MDH2: variants seen among roughly 807,000 people sequenced by gnomAD.
The protein encoded by MDH2 is malate dehydrogenase, mitochondrial.
Under a neutral mutation model 33.6 loss-of-function variants are expected in MDH2, and 25 were observed. The observed-to-expected ratio is 0.74, with a 90% CI of 0.54 to 1.04. The LOEUF is 1.04. Ranked by LOEUF, MDH2 falls within the 50% of genes least tolerant of loss-of-function variation. The probability of loss-of-function intolerance (pLI) is 0.00; values close to 1 mark genes in which losing one functional copy is unlikely to be tolerated. For missense variants in MDH2, 432 were observed against 445.0 expected (o/e 0.97, Z 0.26); for synonymous variants, 193 against 188.7 (o/e 1.02, Z -0.19).
At chr7:76,065,137 G>T (rs1798062023) in intron 8 of MDH2, 184 bp downstream of exon 8, 4 of 637,192 alleles carry the variant, frequency 6.3e-6, no homozygotes, top group African/African-American at 1.8e-5. Flanking sequence ...AGACTGTGAA[G>T]GGTGAACCTC....
intron 7 of MDH2, 105 bp downstream of exon 7, chr7:76,064,543 G>C: frequency 9.2e-7 from 1 of 1,092,584 alleles, no homozygotes; most frequent in East Asian, 2.6e-5. Flanking sequence ...ATCCTTTTCA[G>C]TGTTGATTTG....
Position 76,057,399 on chromosome 7 carries a change from G to C in MDH2, c.236-11G>C, listed in dbSNP as rs1279610918. 1 of 1,613,942 alleles carries C rather than the reference G, an allele frequency of 6.2e-7. No homozygotes were observed. Among genetic ancestry groups the C allele is most frequent in the Non-Finnish European group, 8.5e-7 (1 of 1,179,992 alleles). The stretch of plus-strand genomic sequence containing the variant: ...AACGGTGACATTTCTCTTGTGGGGT[G>C]TTTGTTCTAGGCTACCTCGGACCTG... On this transcript the variant is annotated splice_polypyrimidine_tract_variant and intron_variant, in intron 2 of 8. Transcript: ENST00000315758.
rs1164969480 is a variant in MDH2, at chr7:76,064,862, C to T, written c.794C>T (p.Ala265Val). ...CGCTTTGTCTTCTCCCTTGTGGATG[C>T]AATGAATGGAAAGGAAGGTGTTGTG... ...GARFVFSLVD[A>V]MNGKEGVVEC... The change falls in exon 8 of 9, where the codon GCA becomes GTA. Residue 265 changes from alanine to valine, a missense_variant. Transcript: ENST00000315758. The T allele has an allele frequency of 6.2e-7, 1 of 1,614,164 alleles. No individual in the cohort carries two copies. Among genetic ancestry groups the T allele is most frequent in the Non-Finnish European group, 8.5e-7 (1 of 1,180,034 alleles).
At chr7:76,059,281 C>T (rs1554586681) in intron 4 of MDH2, among the ~76,000 whole-genome samples, 1 of 152,218 alleles carries the variant, frequency 6.6e-6, no homozygotes, top group Non-Finnish European at 1.5e-5. Flanking sequence ...CTGAAATCTT[C>T]CGTGTAATAA....
At chr7:76,056,335 A>G (rs1436128009) in intron 2 of MDH2, among the ~76,000 whole-genome samples, 1 of 152,226 alleles carries the variant, frequency 6.6e-6, no homozygotes, top group Non-Finnish European at 1.5e-5. Flanking sequence ...CTTTTACTAT[A>G]AAGTTCCAAA....
intron 3 of MDH2, 64 bp from the exon 4 acceptor site, chr7:76,057,905 A>T: frequency 1.3e-6 from 2 of 1,497,858 alleles, no homozygotes; most frequent in Non-Finnish European, 1.8e-6. Flanking sequence ...GGCGCTCAGC[A>T]CATGCTGCCT....
At chr7:76,056,506 T>G (rs1797790329) in intron 2 of MDH2, among the ~76,000 whole-genome samples, 1 of 152,216 alleles carries the variant, frequency 6.6e-6, no homozygotes, top group Non-Finnish European at 1.5e-5. Flanking sequence ...CTGAATGGGT[T>G]GCCCATTTTC....
At position 76,048,121 on chromosome 7, in the gene MDH2, G is replaced by C. The variant is rs782248264; in HGVS notation, c.-40G>C. 18 of 1,536,464 alleles carry C rather than the reference G, an allele frequency of 1.2e-5. No individual in the cohort carries two copies. In the African/African-American group the frequency reaches 2.5e-4, roughly 21 times the overall value. ...CGTTGGAGTCACTTCCCCGTCACCA[G>C]CTCCTGTGCCTGCCAGTCGGTGCCC... On this transcript the variant is annotated 5_prime_UTR_variant, in exon 1 of 9. Transcript: ENST00000315758.
chr7:76,064,804 T>C lies in MDH2; in HGVS notation c.736T>C (p.Ser246Pro). 1.2e-6 allele frequency: 2 copies of C among 1,613,690 alleles called. No homozygotes were observed. The highest frequency in any genetic ancestry group is 1.7e-6 in the Non-Finnish European group (2 of 1,179,944). ...EVVKAKAGAG[S>P]ATLSMAYAGA... ...CTGACCTGTCTGTGCCCCCCTAGGC[T>C]CTGCCACCCTCTCCATGGCGTATGC... Residue 246 changes from serine to proline, a missense_variant and splice_region_variant, in exon 8 of 9, where the codon TCT (serine) becomes CCT (proline). Physicochemically the swap from Ser to Pro is moderately conservative, Grantham distance 74. Transcript: ENST00000315758.
At chr7:76,051,384 C>T (rs1323868204) in intron 1 of MDH2, among the ~76,000 whole-genome samples, 2 of 145,948 alleles carry the variant, frequency 1.4e-5, no homozygotes, top group Admixed American at 1.4e-4. Flanking sequence ...TGCAATGGTG[C>T]GATCTCAGCT....
At position 76,061,743 on chromosome 7, in the gene MDH2, A is replaced by ATCCCACC. The variant is rs201244181; in HGVS notation, c.555+1256_555+1262dup. Among the ~76,000 whole-genome samples the ATCCCACC allele has an allele frequency of 9.6e-3, 1,461 of 151,946 alleles. 27 individuals are homozygous for ATCCCACC. The highest frequency in any genetic ancestry group is 0.031 in the African/African-American group (1,301 of 41,396). ...TACGGAAGTGGACACAACAGGCAGG[A>ATCCCACC]TCCCACCTCCCACCTCCAGAGGCGC... On this transcript the variant is annotated intron_variant, in intron 5 of 8. Transcript: ENST00000315758.
intron 1 of MDH2, among the ~76,000 whole-genome samples, chr7:76,053,566 G>A (rs548033974): frequency 3.3e-5 from 5 of 152,296 alleles, no homozygotes; most frequent in African/African-American, 4.8e-5. Flanking sequence ...CTGGGTAAGC[G>A]TCTTGATTCG....
At chr7:76,063,868 T>C (rs1232297759) in intron 6 of MDH2, among the ~76,000 whole-genome samples, 12 of 152,110 alleles carry the variant, frequency 7.9e-5, no homozygotes, top group Non-Finnish European at 1.5e-4. Flanking sequence ...GGCGAGGTGC[T>C]TTTTTCAAAA....
rs1026530067 is a variant in MDH2 at position 76,065,726 on chromosome 7, G to C, written c.886-553G>C. Among the ~76,000 whole-genome samples, 6 of 152,346 alleles carry C rather than the reference G, an allele frequency of 3.9e-5. No individual in the cohort carries two copies. The South Asian group carries it at 6.2e-4, about 16-fold the overall frequency. On this transcript the variant is annotated intron_variant, in intron 8 of 8. Coordinates refer to ENST00000315758, the MANE Select transcript of MDH2 (RefSeq NM_005918.4). ...AGTTGAGGTGAGGACTGAGGCTGTT[G>C]CCACACAAACTGTGCTCAGTTTCTG... is the stretch of plus-strand genomic sequence containing the variant.
Position 76,058,000 on chromosome 7 carries a change from TGCCACGATTGTG to T in MDH2, c.357_368del (p.Ile120_Thr123del). Reference sequence around the variant, plus strand: ...CCCGGGACGACCTGTTCAACACCAATGCCACGATTGTGGCCACCCTGACCGCTGCCTGTGCCC... The same window carrying T: ...CCCGGGACGACCTGTTCAACACCAATGCCACCCTGACCGCTGCCTGTGCCC... On this transcript the variant is annotated inframe_deletion, in exon 4 of 9. Coordinates refer to ENST00000315758, the MANE Select transcript of MDH2 (RefSeq NM_005918.4). 6.2e-7 allele frequency: 1 copy of T among 1,614,124 alleles called. No individual in the cohort carries two copies. Among genetic ancestry groups the T allele is most frequent in the Non-Finnish European group, 8.5e-7 (1 of 1,180,036 alleles).
Position 76,063,581 on chromosome 7 carries a change from C to G in MDH2, c.622C>G (p.Leu208Val). 1 of 1,614,220 alleles carries G rather than the reference C, an allele frequency of 6.2e-7. No homozygotes were observed. The highest frequency in any genetic ancestry group is 8.5e-7 in the Non-Finnish European group (1 of 1,180,012). ...GGHAGKTIIP[L>V]ISQCTPKVDF... ...CCATGCTGGGAAGACCATCATCCCC[C>G]TGATCTCTCAGGTACACGCATATGA... is the stretch of plus-strand genomic sequence containing the variant. Residue 208 changes from leucine (L) to valine (V), a missense_variant, in exon 6 of 9, where the codon CTG becomes GTG. By Grantham distance (32) the Leu-to-Val change is conservative (BLOSUM62 1). Coordinates refer to ENST00000315758, the MANE Select transcript of MDH2 (RefSeq NM_005918.4).
In MDH2 at chr7:76,064,792, GCCC is replaced by G; in HGVS notation, c.734-6_734-4del. Reference sequence around the variant, plus strand: ...GCACCAGCCAGGCTGACCTGTCTGTGCCCCCCTAGGCTCTGCCACCCTCTCCAT... The same window carrying G: ...GCACCAGCCAGGCTGACCTGTCTGTGCCCTAGGCTCTGCCACCCTCTCCAT... On this transcript the variant is annotated splice_region_variant and splice_polypyrimidine_tract_variant and intron_variant, in intron 7 of 8. Coordinates refer to ENST00000315758, the MANE Select transcript of MDH2 (RefSeq NM_005918.4). 1 of 1,612,056 alleles carries G rather than the reference GCCC, an allele frequency of 6.2e-7. No individual in the cohort carries two copies. Among genetic ancestry groups the G allele is most frequent in the Non-Finnish European group, 8.5e-7 (1 of 1,179,344 alleles).
intron 8 of MDH2, among the ~76,000 whole-genome samples, chr7:76,065,893 C>T (rs118162931): frequency 0.01 from 1,551 of 152,312 alleles, 9 homozygotes; most frequent in Non-Finnish European, 0.017. Flanking sequence ...GAAACAGGCT[C>T]TGTTGGGGAG....
At chr7:76,055,981 C>T (rs1554586234) in intron 2 of MDH2, among the ~76,000 whole-genome samples, 2 of 151,962 alleles carry the variant, frequency 1.3e-5, no homozygotes, top group Admixed American at 6.6e-5. Context: ...GTGTGCAACA[C>T]CATGCCCAGC....
Sources: allele counts gnomAD v4.1 joint callset (sites outside exome capture counted in the v4.1 genomes callset), GRCh38; gene constraint gnomAD v4.1.1; transcripts MANE v1.5; gene names NCBI Gene and HGNC (gene_info 2026-07-23, HGNC 2026-07-21).